USP14: variants seen among roughly 807,000 people sequenced by gnomAD.
The protein encoded by USP14 is ubiquitin specific peptidase 14.
USP14 carries 38 observed loss-of-function variants against 76.5 expected under a neutral mutation model. The ratio of observed to expected loss-of-function variants is 0.50; its 90% confidence interval spans 0.38 to 0.65. USP14 has a LOEUF of 0.65. USP14 is among the 30% of genes least tolerant of loss of function. USP14 has a pLI of 0.00. For synonymous variants in USP14, 192 were observed against 191.7 expected, an observed-to-expected ratio of 1.00 and a Z score of -0.01; for missense variants, 467 against 586.5, an observed-to-expected ratio of 0.80 and a Z score of 2.10.
At chr18:158,784 C>A in intron 1 of USP14, 70 bp downstream of exon 1, 1 of 1,322,754 alleles carries the variant, frequency 7.6e-7, no homozygotes, top group Non-Finnish European at 9.6e-7. Flanking sequence ...GCCTGGCCTG[C>A]ACGGGCGGGC....
intron 3 of USP14, among the ~76,000 whole-genome samples, chr18:177,632 TG>T (rs1488336852): frequency 1.9e-5 from 2 of 107,620 alleles, no homozygotes; most frequent in East Asian, 2.1e-4. Flanking sequence ...TTTCCCTCCC[TG>T]TTTTTTTTTT....
At chr18:203,477 T>G (rs1910440274) in intron 12 of USP14, among the ~76,000 whole-genome samples, 1 of 152,206 alleles carries the variant, frequency 6.6e-6, no homozygotes, top group African/African-American at 2.4e-5. Flanking sequence ...TCATATACAA[T>G]TCTGATGGCT....
chr18:162,481 G>A (rs189476389), intron 1 of USP14, among the ~76,000 whole-genome samples: 1 of 152,264 alleles, frequency 6.6e-6, no homozygotes, highest in East Asian at 1.9e-4. Flanking sequence ...CTCTTGTTCA[G>A]AAATGACACT....
chr18:197,956 A>T (rs1332424999), intron 8 of USP14, 91 bp from the exon 9 acceptor site: 49 of 1,129,624 alleles, frequency 4.3e-5, no homozygotes, highest in East Asian at 1.1e-4. Flanking sequence ...CTACATTTTT[A>T]AAAAAATATG....
intron 2 of USP14, 44 bp from the exon 3 acceptor site, chr18:166,743 T>C: frequency 6.3e-7 from 1 of 1,584,224 alleles, no homozygotes; most frequent in Non-Finnish European, 8.6e-7. Flanking sequence ...TGTGTTCAGC[T>C]TGTACAGTGG....
chr18:191,049 G>A (rs1910071502), intron 5 of USP14, among the ~76,000 whole-genome samples: 1 of 152,006 alleles, frequency 6.6e-6, no homozygotes, highest in Non-Finnish European at 1.5e-5. Flanking sequence ...CCTATAACAA[G>A]AAGTAAAATT....
rs74705064 is a variant in USP14, at chr18:158,795, A to G, written c.16+81A>G. 0.03 allele frequency: 39,337 copies of G among 1,312,050 alleles called. 3,199 individuals are homozygous for G. The East Asian group carries it at 0.35, about 12-fold the overall frequency. 81.3% of individuals were successfully genotyped at this position (1,312,050 alleles called of 1,614,324 possible). A position where few individuals can be genotyped will look rare whatever the true frequency, so the allele number is the denominator to read the frequency against. ...GTAGGCCTGGCCTGCACGGGCGGGCACCCGGCATGGACTGGGAGGGGCCGG... is the reference window on the plus strand; with the variant it reads ...GTAGGCCTGGCCTGCACGGGCGGGCGCCCGGCATGGACTGGGAGGGGCCGG... On this transcript the variant is annotated intron_variant, in intron 1 of 15. Coordinates refer to ENST00000261601, the MANE Select transcript of USP14 (RefSeq NM_005151.4).
chr18:174,120 C>T (rs1422414158), intron 3 of USP14, among the ~76,000 whole-genome samples: 1 of 152,144 alleles, frequency 6.6e-6, no homozygotes, highest in Non-Finnish European at 1.5e-5. Flanking sequence ...ATTGGAATTG[C>T]ATTGAATCTG....
intron 5 of USP14, among the ~76,000 whole-genome samples, chr18:190,821 T>C (rs1598274163): frequency 6.6e-6 from 1 of 152,300 alleles, no homozygotes; most frequent in South Asian, 2.1e-4. Flanking sequence ...CAGTTTCCTT[T>C]TATTTTCTAA....
intron 3 of USP14, among the ~76,000 whole-genome samples, chr18:174,923 G>A (rs953399593): frequency 6.6e-6 from 1 of 151,984 alleles, no homozygotes; most frequent in Non-Finnish European, 1.5e-5. Flanking sequence ...CTACAGGAAT[G>A]TGCCACCACG....
At chr18:192,942 A>T in intron 6 of USP14, 42 bp downstream of exon 6, 1 of 1,535,894 alleles carries the variant, frequency 6.5e-7, no homozygotes, top group South Asian at 1.2e-5. Flanking sequence ...GGAGTAAGAC[A>T]TTCTATTTTT....
intron 3 of USP14, among the ~76,000 whole-genome samples, chr18:171,019 AAAAAAAATATATAT>A (rs1436571686): frequency 2.7e-5 from 2 of 75,260 alleles, no homozygotes; most frequent in African/African-American, 1.1e-4. Flanking sequence ...TAAAAAAAAA[AAAAAAAATATATAT>A]ATATATATAT....
intron 2 of USP14, among the ~76,000 whole-genome samples, chr18:163,800 A>G (rs999920672): frequency 2.7e-5 from 4 of 149,550 alleles, no homozygotes; most frequent in Non-Finnish European, 5.9e-5. Context: ...GGTACTAAGC[A>G]TAGTACCCGA....
chr18:190,522 CAT>C, intron 5 of USP14, among the ~76,000 whole-genome samples: 1 of 152,134 alleles, frequency 6.6e-6, no homozygotes, highest in East Asian at 1.9e-4. Context: ...TATATGAAAG[CAT>C]ATGTTATAAA....
Position 163,404 on chromosome 18 carries a change from G to C in USP14, c.113G>C (p.Gly38Ala), listed in dbSNP as rs533777333. ...VFKAQLFALT[G>A]VQPARQKVMV... ...AAGGCTCAGCTGTTTGCGTTGACTGGAGTCCAGCCTGCCAGACAGAAAGTT... is the reference window on the plus strand; with the variant it reads ...AAGGCTCAGCTGTTTGCGTTGACTGCAGTCCAGCCTGCCAGACAGAAAGTT... The change falls in exon 2 of 16, where the codon GGA becomes GCA. Residue 38 changes from glycine (G) to alanine (A), a missense_variant. Gly to Ala is a moderately conservative substitution (Grantham distance 60). Coordinates refer to ENST00000261601, the MANE Select transcript of USP14 (RefSeq NM_005151.4). 22 of 1,613,846 alleles carry C rather than the reference G, an allele frequency of 1.4e-5. No homozygotes were observed. In the South Asian group the frequency reaches 2.1e-4, roughly 15 times the overall value.
chr18:214,611 G>GA lies in USP14; in HGVS notation c.*3337dup, dbSNP rs752029619. On this transcript the variant is annotated 3_prime_UTR_variant, in exon 16 of 16. Transcript: ENST00000261601. ...AAATCTATCACAGTTTTAATAAAAA[G>GA]AAAAAAAAAAGAAGCTAACTATTTG... 7,196 of 1,354,976 alleles carry GA rather than the reference G, an allele frequency of 5.3e-3. No individual in the cohort carries two copies. Among genetic ancestry groups the GA allele is most frequent in the Non-Finnish European group, 5.8e-3 (5,727 of 994,310 alleles). 83.9% of individuals were successfully genotyped at this position (1,354,976 alleles called of 1,614,324 possible).
chr18:214,605 TA>T lies in USP14; in HGVS notation c.*3326del, dbSNP rs753455081. ...GTAACAAAATCTATCACAGTTTTAATAAAAAGAAAAAAAAAAGAAGCTAACT... is the reference window on the plus strand; with the variant it reads ...GTAACAAAATCTATCACAGTTTTAATAAAAGAAAAAAAAAAGAAGCTAACT... On this transcript the variant is annotated 3_prime_UTR_variant, in exon 16 of 16. Transcript: ENST00000261601. The T allele has an allele frequency of 1.9e-6, 3 of 1,579,270 alleles. No homozygotes were observed. The highest frequency in any genetic ancestry group is 2.6e-6 in the Non-Finnish European group (3 of 1,163,332).
chr18:196,639 C>G lies in USP14; in HGVS notation c.466C>G (p.Leu156Val), dbSNP rs748053649. 1 of 1,613,144 alleles carries G rather than the reference C, an allele frequency of 6.2e-7. No individual in the cohort carries two copies. Among genetic ancestry groups the G allele is most frequent in the Non-Finnish European group, 8.5e-7 (1 of 1,179,592 alleles). Residue 156 changes from leucine (L) to valine (V), a missense_variant and splice_region_variant, in exon 7 of 16, where the codon CTT (leucine) becomes GTT (valine). Leu to Val is a conservative substitution (Grantham distance 32). Transcript: ENST00000261601. ...GCAATGTTTGCTTTGTCTTTAAGCC[C>G]TTAGAGATTTGTTTGATTCCATGGA... ...MASAQYITAA[L>V]RDLFDSMDKT...
chr18:160,766 T>C (rs547728211), intron 1 of USP14, among the ~76,000 whole-genome samples: 2 of 152,340 alleles, frequency 1.3e-5, no homozygotes, highest in African/African-American at 4.8e-5. Flanking sequence ...TGTAATATGC[T>C]TCTAGTTTAT....
Sources: gnomAD v4.1 joint callset for allele counts (sites outside exome capture counted in the v4.1 genomes callset) on GRCh38, gnomAD v4.1.1 for gene constraint, MANE v1.5 for transcripts, NCBI Gene and HGNC (gene_info 2026-07-23, HGNC 2026-07-21) for gene names.